ZFHX3: variants seen among roughly 807,000 people sequenced by gnomAD.
ZFHX3 encodes the protein zinc finger homeobox protein 3.
Under a neutral mutation model 279.1 loss-of-function variants are expected in ZFHX3, and 42 were observed. The ratio of observed to expected loss-of-function variants is 0.15; its 90% CI spans 0.12 to 0.19. The LOEUF is 0.19. Among genes scored for constraint, ZFHX3 ranks in the 10% least tolerant of loss-of-function variants. The probability of loss-of-function intolerance (pLI) is 1.00; values close to 1 mark genes in which losing one functional copy is unlikely to be tolerated. For synonymous variants in ZFHX3, 2,293 were observed against 1,957.8 expected, an observed-to-expected ratio of 1.17 and a Z score of -4.52; for missense variants, 4,981 against 4,754.0, an observed-to-expected ratio of 1.05 and a Z score of -1.40.
At chr16:72,968,706 G>A (rs1196692448) in intron 1 of ZFHX3, among the ~76,000 whole-genome samples, 2 of 151,976 alleles carry the variant, frequency 1.3e-5, no homozygotes, top group Non-Finnish European at 2.9e-5. Flanking sequence ...CCAGTGATCC[G>A]CCCACCTCAG....
chr16:73,788,959 C>A (rs545706721), intron 1 of ZFHX3, among the ~76,000 whole-genome samples: 1 of 151,280 alleles, frequency 6.6e-6, no homozygotes, highest in East Asian at 2.0e-4. Context: ...TTTGGCATGT[C>A]TATAATAGTA....
chr16:73,728,390 A>T (rs2053540063), intron 1 of ZFHX3, among the ~76,000 whole-genome samples: 2 of 152,190 alleles, frequency 1.3e-5, no homozygotes, highest in Admixed American at 1.3e-4. Flanking sequence ...ACTGGCACTA[A>T]CTAATATAAT....
chr16:73,476,340 T>G (rs1418505313), intron 2 of ZFHX3, among the ~76,000 whole-genome samples: 1 of 152,182 alleles, frequency 6.6e-6, no homozygotes, highest in Non-Finnish European at 1.5e-5. Context: ...AATTTACAGA[T>G]TTATTTATAA....
At chr16:73,880,822 G>C (rs2030120659) in intron 1 of ZFHX3, among the ~76,000 whole-genome samples, 1 of 152,020 alleles carries the variant, frequency 6.6e-6, no homozygotes, top group Non-Finnish European at 1.5e-5. Context: ...TTGGTGAAAA[G>C]TTTTCAGTCG....
intron 4 of ZFHX3, among the ~76,000 whole-genome samples, chr16:73,312,265 A>G (rs1271918410): frequency 1.3e-5 from 2 of 152,182 alleles, no homozygotes; most frequent in African/African-American, 2.4e-5. Flanking sequence ...CTATCTTTAA[A>G]TATTTGGAGG....
intron 2 of ZFHX3, chr16:73,608,687 A>T (rs1413596257): frequency 6.6e-6 from 1 of 152,176 alleles, no homozygotes; most frequent in Non-Finnish European, 1.5e-5. Context: ...GACTAAATCC[A>T]TGGCAATTAC....
intron 2 of ZFHX3, among the ~76,000 whole-genome samples, chr16:73,464,191 A>T (rs1372690079): frequency 6.6e-6 from 1 of 152,136 alleles, no homozygotes; most frequent in Non-Finnish European, 1.5e-5. Context: ...GGAATGAGTA[A>T]GTGGAAGAAA....
At chr16:73,837,237 A>C (rs1961167297) in intron 1 of ZFHX3, among the ~76,000 whole-genome samples, 1 of 152,210 alleles carries the variant, frequency 6.6e-6, no homozygotes, top group Non-Finnish European at 1.5e-5. Flanking sequence ...AACTAAACTC[A>C]TGTTAATATC....
At chr16:73,344,403 G>C (rs1173307036) in intron 3 of ZFHX3, among the ~76,000 whole-genome samples, 1 of 152,170 alleles carries the variant, frequency 6.6e-6, no homozygotes, top group Non-Finnish European at 1.5e-5. Context: ...TAAAGAATGA[G>C]GAATTGTTCT....
At position 72,788,712 on chromosome 16, in the gene ZFHX3, C is replaced by T; in HGVS notation, c.9564G>A (p.Met3188Ile). 1 of 1,610,510 alleles carries T rather than the reference C, an allele frequency of 6.2e-7. No homozygotes were observed. Among genetic ancestry groups the T allele is most frequent in the East Asian group, 2.2e-5 (1 of 44,820 alleles). ...GGGGGGGTTGCTGAGGGCCCATCGCCATCGTGGCTTGTGCTGGGGTTGGGG... is the reference window on the plus strand; with the variant it reads ...GGGGGGGTTGCTGAGGGCCCATCGCTATCGTGGCTTGTGCTGGGGTTGGGG... ...LSSPTPAQAT[M>I]AMGPQQPPQQ... Residue 3188 changes from methionine to isoleucine, a missense_variant, in exon 10 of 10, where the codon ATG (methionine) becomes ATA (isoleucine). Physicochemically the swap from Met to Ile is conservative, Grantham distance 10. Coordinates refer to ENST00000268489, the MANE Select transcript of ZFHX3 (RefSeq NM_006885.4).
At chr16:73,853,165 C>T (rs781020115) in intron 1 of ZFHX3, among the ~76,000 whole-genome samples, 8 of 152,170 alleles carry the variant, frequency 5.3e-5, no homozygotes, top group Non-Finnish European at 8.8e-5. Flanking sequence ...TTGTTAAAAA[C>T]TTAAAAACAA....
At chr16:73,803,738 G>C (rs527561957) in intron 1 of ZFHX3, among the ~76,000 whole-genome samples, 2 of 152,214 alleles carry the variant, frequency 1.3e-5, no homozygotes, top group Non-Finnish European at 2.9e-5. Context: ...TTATACGTTA[G>C]TAAGTTTTTA....
At chr16:73,706,255 G>C (rs1168103423) in intron 1 of ZFHX3, among the ~76,000 whole-genome samples, 25 of 152,114 alleles carry the variant, frequency 1.6e-4, no homozygotes, top group Admixed American at 1.6e-3. Context: ...GAGGTCAGGA[G>C]TTTGAGACCA....
rs1169589589 is a variant in ZFHX3, at chr16:72,889,823, C to T, written c.3356G>A (p.Arg1119Gln). The T allele has an allele frequency of 8.1e-6, 13 of 1,613,954 alleles. No individual in the cohort carries two copies. Among genetic ancestry groups the T allele is most frequent in the East Asian group, 2.2e-5 (1 of 44,872 alleles). Reference protein sequence around the residue: ...SMKHQRSESLRKLQRLQKGLP... With the variant: ...SMKHQRSESLQKLQRLQKGLP... ...GCCCTTCTGCAGCCGCTGCAGCTTT[C>T]GCAGGCTCTCGCTTCGCTGGTGCTT... is the stretch of plus-strand genomic sequence containing the variant. Residue 1119 changes from arginine to glutamine, a missense_variant, in exon 4 of 10, where the codon CGA becomes CAA. Transcript: ENST00000268489.
In ZFHX3 at chr16:73,019,491, A is replaced by T. The variant is rs115448643; in HGVS notation, c.-50+28261T>A. On this transcript the variant is annotated intron_variant, in intron 1 of 9. Transcript: ENST00000268489. ...ACTTCCTTACCAAGGTGCCCACCGG[A>T]AACCCCTGCCTGGACCCCTGCAGCC... is the stretch of plus-strand genomic sequence containing the variant. Among the ~76,000 whole-genome samples the T allele has an allele frequency of 5.5e-3, 830 of 152,224 alleles. 5 individuals carry two copies. Among genetic ancestry groups the T allele is most frequent in the African/African-American group, 0.019 (808 of 41,532 alleles).
chr16:73,591,226 G>A (rs1166767084), intron 2 of ZFHX3, among the ~76,000 whole-genome samples: 3 of 151,556 alleles, frequency 2.0e-5, no homozygotes, highest in Non-Finnish European at 4.4e-5. Context: ...GGTGGTGGGC[G>A]CTTGTAATCC....
intron 1 of ZFHX3, among the ~76,000 whole-genome samples, chr16:72,973,173 C>T (rs985034792): frequency 6.6e-6 from 1 of 152,202 alleles, no homozygotes; most frequent in African/African-American, 2.4e-5. Context: ...CAGCATGGCT[C>T]AACATGTCCA....
intron 3 of ZFHX3, among the ~76,000 whole-genome samples, chr16:73,447,006 C>A (rs1386477124): frequency 6.6e-6 from 1 of 151,844 alleles, no homozygotes; most frequent in East Asian, 1.9e-4. Flanking sequence ...CAGTGAAACA[C>A]CATCTCTACT....
chr16:73,246,019 T>C (rs930290733), intron 5 of ZFHX3, among the ~76,000 whole-genome samples: 2 of 152,112 alleles, frequency 1.3e-5, no homozygotes, highest in Admixed American at 1.3e-4. Context: ...ACAGAGGCCA[T>C]TCCCCTGTTT....
Sources: gnomAD v4.1 joint callset for allele counts (sites outside exome capture counted in the v4.1 genomes callset) on GRCh38, gnomAD v4.1.1 for gene constraint, MANE v1.5 for transcripts, NCBI Gene and HGNC (gene_info 2026-07-23, HGNC 2026-07-21) for gene names.